The following ABCC12 variants were observed in gnomAD, a reference collection of about 807,000 sequenced individuals.
The protein encoded by ABCC12 is ATP-binding cassette sub-family C member 12.
A neutral mutation model predicts 151.1 loss-of-function variants in ABCC12; 142 were observed. The observed-to-expected ratio is 0.94, with a 90% CI of 0.82 to 1.08. The LOEUF is 1.08. ABCC12 is among the 50% of genes least tolerant of loss of function. ABCC12 has a pLI of 0.00. For synonymous variants in ABCC12, 645 were observed against 646.4 expected (o/e 1.00, Z 0.03); for missense variants, 1,638 against 1,691.1 (o/e 0.97, Z 0.55).
intron 11 of ABCC12, among the ~76,000 whole-genome samples, chr16:48,124,804 T>C (rs1378619203): frequency 6.6e-6 from 1 of 152,212 alleles, no homozygotes; most frequent in Non-Finnish European, 1.5e-5. Flanking sequence ...TATCAGAGCC[T>C]GCTATGTGCC....
intron 24 of ABCC12, 42 bp downstream of exon 24, chr16:48,096,704 C>T (rs1353383123): frequency 8.1e-6 from 13 of 1,604,944 alleles, no homozygotes; most frequent in Non-Finnish European, 1.1e-5. Context: ...GTATTACAGG[C>T]CGGAGCCTCC....
At chr16:48,092,419 CCAGGGTACA>C (rs1480235015) in intron 24 of ABCC12, among the ~76,000 whole-genome samples, 1 of 152,172 alleles carries the variant, frequency 6.6e-6, no homozygotes, top group Non-Finnish European at 1.5e-5. Flanking sequence ...GGCAAGGAAG[CCAGGGTACA>C]CAGGGCTACA....
Position 48,081,417 on chromosome 16 carries a change from G to A in ABCC12, c.*2298C>T, listed in dbSNP as rs1285421239. On this transcript the variant is annotated 3_prime_UTR_variant, in exon 31 of 31. Coordinates refer to ENST00000311303, the MANE Select transcript of ABCC12 (RefSeq NM_001393797.1). ...GTCACTCTCCCCCAGGGATGATACT[G>A]ATGACCATCACTGTCCTTGCAACAG... 6.6e-6 allele frequency among the ~76,000 whole-genome samples: 1 copy of A among 152,180 alleles called. No individual in the cohort carries two copies. The highest frequency in any genetic ancestry group is 2.4e-5 in the African/African-American group (1 of 41,442).
At chr16:48,097,351 G>A (rs1290773727) in intron 23 of ABCC12, among the ~76,000 whole-genome samples, 1 of 152,144 alleles carries the variant, frequency 6.6e-6, no homozygotes, top group Admixed American at 6.5e-5. Flanking sequence ...TGTGGAGGAG[G>A]TCACCTTTAG....
At chr16:48,136,460 T>A (rs1207931836) in intron 8 of ABCC12, among the ~76,000 whole-genome samples, 1 of 152,150 alleles carries the variant, frequency 6.6e-6, no homozygotes. Context: ...TGAATTCATG[T>A]GTTCACTCAC....
chr16:48,144,959 A>G (rs1964948838), intron 3 of ABCC12, among the ~76,000 whole-genome samples: 1 of 152,198 alleles, frequency 6.6e-6, no homozygotes, highest in Non-Finnish European at 1.5e-5. Flanking sequence ...CAGAGAGTTT[A>G]GAGTATTTGC....
At chr16:48,116,892 C>T (rs899208302) in intron 14 of ABCC12, among the ~76,000 whole-genome samples, 3 of 152,178 alleles carry the variant, frequency 2.0e-5, no homozygotes, top group African/African-American at 4.8e-5. Context: ...TAGAGGTGAC[C>T]CCCATACTCC....
chr16:48,116,504 G>A (rs1255863361), intron 14 of ABCC12, among the ~76,000 whole-genome samples: 1 of 152,190 alleles, frequency 6.6e-6, no homozygotes. Flanking sequence ...TGTCACAGGA[G>A]CAGAGACTTA....
At chr16:48,117,216 T>C in intron 14 of ABCC12, 45 bp downstream of exon 14, 1 of 1,573,438 alleles carries the variant, frequency 6.4e-7, no homozygotes. Context: ...TGAGCAAATG[T>C]ACTGTGTGCA....
At chr16:48,111,122 G>A (rs967742225) in intron 18 of ABCC12, among the ~76,000 whole-genome samples, 13 of 152,212 alleles carry the variant, frequency 8.5e-5, no homozygotes, top group African/African-American at 3.1e-4. Context: ...GTCAGGCAGT[G>A]TGCGAATCAT....
intron 11 of ABCC12, among the ~76,000 whole-genome samples, chr16:48,128,027 G>T (rs1964297530): frequency 6.6e-6 from 1 of 152,208 alleles, no homozygotes; most frequent in South Asian, 2.1e-4. Flanking sequence ...GCTGAGGCAG[G>T]AGGATCACTT....
chr16:48,152,596 T>G (rs774256236), intron 2 of ABCC12, among the ~76,000 whole-genome samples: 1 of 152,120 alleles, frequency 6.6e-6, no homozygotes, highest in East Asian at 1.9e-4. Flanking sequence ...CTGAAATTAT[T>G]TGGGGGAGAA....
intron 25 of ABCC12, among the ~76,000 whole-genome samples, chr16:48,090,294 C>T (rs561146759): frequency 1.2e-4 from 19 of 152,202 alleles, no homozygotes; most frequent in Non-Finnish European, 2.6e-4. Flanking sequence ...ATGGCATCAT[C>T]ACAGCTTACT....
intron 8 of ABCC12, among the ~76,000 whole-genome samples, chr16:48,134,225 T>C (rs1597321099): frequency 6.6e-6 from 1 of 152,210 alleles, no homozygotes; most frequent in South Asian, 2.1e-4. Context: ...CTCTTCTCAG[T>C]GCAGGGGAGG....
rs1962718140 is a variant in ABCC12 at position 48,088,411 on chromosome 16, G to A, written c.3475+134C>T. The A allele has an allele frequency of 2.8e-6, 3 of 1,056,400 alleles. No homozygotes were observed. In the South Asian group the frequency reaches 5.1e-5, roughly 18 times the overall value. 65.4% of individuals were successfully genotyped at this position (1,056,400 alleles called of 1,614,324 possible). A position where few individuals can be genotyped will look rare whatever the true frequency, so the allele number is the denominator to read the frequency against. ...ATTCAACCTGAAATCCTAATTTACA[G>A]TAAAGAGATTTGAGGGAAATAACAG... On this transcript the variant is annotated intron_variant, in intron 26 of 30. Transcript: ENST00000311303.
chr16:48,084,312 T>C (rs537523663), intron 29 of ABCC12, among the ~76,000 whole-genome samples: 1 of 152,328 alleles, frequency 6.6e-6, no homozygotes, highest in South Asian at 2.1e-4. Flanking sequence ...GTATATCCTT[T>C]ATTCCTCTTT....
At chr16:48,145,277 C>T (rs1255619838) in intron 3 of ABCC12, among the ~76,000 whole-genome samples, 1 of 152,172 alleles carries the variant, frequency 6.6e-6, no homozygotes, top group Admixed American at 6.5e-5. Context: ...CCTTCTGCTG[C>T]TCAGAGAACA....
At position 48,141,206 on chromosome 16, in the gene ABCC12, C is replaced by T. The variant is rs146719416; in HGVS notation, c.423G>A (p.Pro141=). The T allele has an allele frequency of 2.5e-5, 41 of 1,613,406 alleles. No individual in the cohort carries two copies. Among genetic ancestry groups the T allele is most frequent in the South Asian group, 4.4e-5 (4 of 91,048 alleles). ...ILCIIMAAIG[P]TVLIHQILQQ... is the part of the protein sequence containing the mutation. ...GAGGAGGAAGGGCTGCCGCACTCAC[C>T]GGCCCTATGGCTGCCATGATGATGC... The change falls in exon 5 of 31, where the codon CCG becomes CCA. Residue 141 remains proline, a splice_region_variant and synonymous_variant. Transcript: ENST00000311303.
intron 22 of ABCC12, among the ~76,000 whole-genome samples, chr16:48,103,006 AAGGGACTCCTGCTCTAT>A (rs1963360649): frequency 6.6e-6 from 1 of 152,182 alleles, no homozygotes; most frequent in South Asian, 2.1e-4. Context: ...TGTAGATTTC[AAGGGACTCCTGCTCTAT>A]AGTCTGCCCT....
Sources: allele counts gnomAD v4.1 joint callset (sites outside exome capture counted in the v4.1 genomes callset), GRCh38; gene constraint gnomAD v4.1.1; transcripts MANE v1.5; gene names NCBI Gene and HGNC (gene_info 2026-07-23, HGNC 2026-07-21).